The following ZFPM1 variants were observed in gnomAD, a reference collection of about 807,000 sequenced individuals.
ZFPM1 encodes the protein zinc finger protein ZFPM1.
In ZFPM1, 28 loss-of-function variants were observed where a neutral mutation model predicts 46.3. The ratio of observed to expected loss-of-function variants is 0.60; its 90% CI spans 0.45 to 0.83. The LOEUF is 0.83. ZFPM1 is among the 40% of genes least tolerant of loss of function. The pLI is 0.00. For missense variants in ZFPM1, 1,878 were observed against 1,432.4 expected, an observed-to-expected ratio of 1.31 and a Z score of -5.02; for synonymous variants, 957 against 675.9, an observed-to-expected ratio of 1.42 and a Z score of -6.45.
intron 3 of ZFPM1, among the ~76,000 whole-genome samples, chr16:88,493,908 G>C (rs1472195499): frequency 6.6e-6 from 1 of 152,174 alleles, no homozygotes; most frequent in East Asian, 1.9e-4. Context: ...GGCTTCAAAG[G>C]AGGGCACCTT....
chr16:88,464,006 G>C (rs1295374554), intron 1 of ZFPM1, among the ~76,000 whole-genome samples: 2 of 152,208 alleles, frequency 1.3e-5, no homozygotes, highest in Non-Finnish European at 2.9e-5. Flanking sequence ...ACCATGGGAT[G>C]GGGCTCCAGC....
intron 4 of ZFPM1, among the ~76,000 whole-genome samples, chr16:88,522,809 A>C (rs1912004096): frequency 6.6e-6 from 1 of 152,220 alleles, no homozygotes. Context: ...CTGCCTGACC[A>C]GGCTGGGTGC....
rs189382207 is a variant in ZFPM1, at chr16:88,491,634, T to A, written c.268+2481T>A. Among the ~76,000 whole-genome samples the A allele has an allele frequency of 4.7e-4, 72 of 152,248 alleles. 1 individual carries two copies. The East Asian group carries it at 0.012, about 25-fold the overall frequency. On this transcript the variant is annotated intron_variant, in intron 3 of 9. Transcript: ENST00000319555. ...TCCAGACGGAGAAGGCCCTGGGGGA[T>A]GGAGCCTGGCGCCGGGAAGGGCCGG...
At chr16:88,489,678 TGTCCTAGAGGGTG>T (rs1401036355) in intron 3 of ZFPM1, among the ~76,000 whole-genome samples, 1 of 152,172 alleles carries the variant, frequency 6.6e-6, no homozygotes, top group African/African-American at 2.4e-5. Flanking sequence ...CCACAGGGTG[TGTCCTAGAGGGTG>T]GTTTGGTGAC....
At position 88,497,351 on chromosome 16, in the gene ZFPM1, T is replaced by C. The variant is rs1473749916; in HGVS notation, c.268+8198T>C. Among the ~76,000 whole-genome samples the C allele has an allele frequency of 6.6e-6, 1 of 150,614 alleles. No homozygotes were observed. Among genetic ancestry groups the C allele is most frequent in the Non-Finnish European group, 1.5e-5 (1 of 67,732 alleles). ...GTGCACAAGGAGCTGGCTCAGGGCC[T>C]GAGTTTCAAGTGGTCAGTGGTGGCT... On this transcript the variant is annotated intron_variant, in intron 3 of 9. Coordinates refer to ENST00000319555, the MANE Select transcript of ZFPM1 (RefSeq NM_153813.3). This position sits in a 1 kb window ranked among gnomAD's most constrained non-coding sequence, Gnocchi z 5.4.
At chr16:88,504,484 G>A (rs1227397268) in intron 3 of ZFPM1, among the ~76,000 whole-genome samples, 2 of 152,130 alleles carry the variant, frequency 1.3e-5, no homozygotes, top group Non-Finnish European at 2.9e-5. Flanking sequence ...GAAGCCCAGA[G>A]AGGCCGCCAA....
intron 6 of ZFPM1, 31 bp from the exon 7 acceptor site, chr16:88,531,971 A>T: frequency 6.4e-7 from 1 of 1,561,634 alleles, no homozygotes; most frequent in Non-Finnish European, 8.7e-7. Context: ...GCTGGCCTTC[A>T]GCCTGACCCC....
rs138882761 is a variant in ZFPM1, at chr16:88,461,718, G to A, written c.40+8040G>A. The stretch of plus-strand genomic sequence containing the variant: ...CCGCTGGCCCTCCCCTCCTTCAGGC[G>A]TTAGGTTTTGAAGGGAGGAGGGACT... On this transcript the variant is annotated intron_variant, in intron 1 of 9. Coordinates refer to ENST00000319555, the MANE Select transcript of ZFPM1 (RefSeq NM_153813.3). Among the ~76,000 whole-genome samples, 487 of 152,242 alleles carry A rather than the reference G, an allele frequency of 3.2e-3. 3 individuals carry two copies. The highest frequency in any genetic ancestry group is 0.011 in the African/African-American group (458 of 41,538).
chr16:88,502,627 A>C (rs756798863), intron 3 of ZFPM1, among the ~76,000 whole-genome samples: 1 of 152,098 alleles, frequency 6.6e-6, no homozygotes, highest in Non-Finnish European at 1.5e-5. Flanking sequence ...CCCCTAGCCG[A>C]GGGTCCCCAC....
At chr16:88,511,484 C>A (rs758742236) in intron 3 of ZFPM1, among the ~76,000 whole-genome samples, 1 of 151,212 alleles carries the variant, frequency 6.6e-6, no homozygotes, top group African/African-American at 2.5e-5. Context: ...TGTCTTCCTG[C>A]CCATTCCCAC....
In ZFPM1 at chr16:88,533,752, C is replaced by A. The variant is rs781573337; in HGVS notation, c.1794C>A (p.Leu598=). The A allele has an allele frequency of 6.8e-7, 1 of 1,480,470 alleles. No homozygotes were observed. The highest frequency in any genetic ancestry group is 9.0e-7 in the Non-Finnish European group (1 of 1,108,880). 91.7% of individuals were successfully genotyped at this position (1,480,470 alleles called of 1,614,324 possible). ...ACAACTACTACGTGCACAAGCGCCTCTACTGTTCAGGCCGCCGTGCGCCCG... is the reference window on the plus strand; with the variant it reads ...ACAACTACTACGTGCACAAGCGCCTATACTGTTCAGGCCGCCGTGCGCCCG... The part of the protein sequence containing the change: ...NVNNYYVHKR[L]YCSGRRAPED... Residue 598 remains leucine, a synonymous_variant, in exon 10 of 10, where the codon CTC becomes CTA. Transcript: ENST00000319555.
intron 6 of ZFPM1, 146 bp from the exon 7 acceptor site, chr16:88,531,856 C>A: frequency 1.4e-6 from 1 of 721,914 alleles, no homozygotes; most frequent in Non-Finnish European, 2.3e-6. Context: ...AGGAGGCTTA[C>A]AGTTACAGGA....
intron 1 of ZFPM1, among the ~76,000 whole-genome samples, chr16:88,473,816 C>T (rs772945762): frequency 6.6e-6 from 1 of 152,236 alleles, no homozygotes; most frequent in Non-Finnish European, 1.5e-5. Context: ...TGACCCCATC[C>T]TCACCTTCAC....
intron 3 of ZFPM1, among the ~76,000 whole-genome samples, chr16:88,510,203 G>A (rs947664247): frequency 2.0e-5 from 3 of 152,110 alleles, no homozygotes; most frequent in East Asian, 1.9e-4. Context: ...ACACACAACC[G>A]CTGGCAAGCT....
rs142575177 is a variant in ZFPM1, at chr16:88,469,460, C to G, written c.40+15782C>G. ...AGGTGGCAGGTTCTCTGGGGGTCCTCCTGTCTGTGGCTGTGGCATAGCCTG... is the reference window on the plus strand; with the variant it reads ...AGGTGGCAGGTTCTCTGGGGGTCCTGCTGTCTGTGGCTGTGGCATAGCCTG... On this transcript the variant is annotated intron_variant, in intron 1 of 9. Coordinates refer to ENST00000319555, the MANE Select transcript of ZFPM1 (RefSeq NM_153813.3). The surrounding 1 kb of genome is among the most constrained non-coding windows in gnomAD (Gnocchi z 4.3). Among the ~76,000 whole-genome samples the G allele has an allele frequency of 6.6e-6, 1 of 152,312 alleles. No homozygotes were observed. The highest frequency in any genetic ancestry group is 1.5e-5 in the Non-Finnish European group (1 of 68,028).
intron 7 of ZFPM1, 117 bp from the exon 8 acceptor site, chr16:88,532,497 C>G: frequency 1.8e-6 from 2 of 1,133,144 alleles, no homozygotes; most frequent in East Asian, 5.2e-5. Flanking sequence ...TTTAAAGACC[C>G]TTCAGCACAG....
rs1907369678 is a variant in ZFPM1, at chr16:88,453,334, G to A, written c.-305G>A. ...GCCTGCTCCGCCGCTCGCCGCCCGC[G>A]GGTTCCATTGAGAAAAGCCGAGCGG... On this transcript the variant is annotated 5_prime_UTR_variant, in exon 1 of 10. Coordinates refer to ENST00000319555, the MANE Select transcript of ZFPM1 (RefSeq NM_153813.3). 1 of 146,976 alleles carries A rather than the reference G, an allele frequency of 6.8e-6. No homozygotes were observed. Among genetic ancestry groups the A allele is most frequent in the African/African-American group, 2.4e-5 (1 of 40,890 alleles). The allele number at this position is 146,976 out of a possible 1,614,324, so 9.1% of individuals were successfully genotyped here. A position where few individuals can be genotyped will look rare whatever the true frequency, so the allele number is the denominator to read the frequency against.
At chr16:88,457,003 T>G (rs1255746089) in intron 1 of ZFPM1, among the ~76,000 whole-genome samples, 1 of 152,200 alleles carries the variant, frequency 6.6e-6, no homozygotes, top group Non-Finnish European at 1.5e-5. Flanking sequence ...AAGGTGTTTT[T>G]CACACACTCT....
intron 3 of ZFPM1, among the ~76,000 whole-genome samples, chr16:88,495,081 G>A (rs149318579): frequency 6.5e-4 from 99 of 152,360 alleles, no homozygotes; most frequent in African/African-American, 2.3e-3. Context: ...ATCGTGGGAT[G>A]TGGGGCTGAG....
Sources: allele counts gnomAD v4.1 joint callset (sites outside exome capture counted in the v4.1 genomes callset), GRCh38; gene constraint gnomAD v4.1.1; non-coding constraint Gnocchi (gnomAD v3.1); transcripts MANE v1.5; gene names NCBI Gene and HGNC (gene_info 2026-07-23, HGNC 2026-07-21).